The following DOCK1 variants were observed in gnomAD, a reference collection of about 807,000 sequenced individuals.
The protein encoded by DOCK1 is dedicator of cytokinesis 1, also known as dedicator of cytokinesis protein 1.
Under a neutral mutation model 262.7 loss-of-function variants are expected in DOCK1, and 138 were observed. That is an observed-to-expected ratio of 0.53 (90% CI 0.46 to 0.61). The LOEUF is 0.61. DOCK1 is among the 20% of genes least tolerant of loss of function. DOCK1 has a pLI of 0.00. For synonymous variants in DOCK1, 866 were observed against 867.4 expected (o/e 1.00, Z 0.03); for missense variants, 1,908 against 2,370.7 (o/e 0.80, Z 4.05).
intron 27 of DOCK1, among the ~76,000 whole-genome samples, chr10:127,144,112 A>G (rs1054755567): frequency 1.4e-4 from 22 of 152,098 alleles, no homozygotes; most frequent in African/African-American, 4.3e-4. Context: ...CCAGAACTCC[A>G]GCAGTTTCCT....
At chr10:127,418,034 G>A (rs181857809) in intron 44 of DOCK1, among the ~76,000 whole-genome samples, 1 of 152,168 alleles carries the variant, frequency 6.6e-6, no homozygotes, top group African/African-American at 2.4e-5. Context: ...CAGAGAACAA[G>A]AACAGGATTG....
At chr10:127,238,445 C>T (rs936395175) in intron 27 of DOCK1, among the ~76,000 whole-genome samples, 2 of 152,164 alleles carry the variant, frequency 1.3e-5, no homozygotes, top group Non-Finnish European at 2.9e-5. Flanking sequence ...TCTGGACCAA[C>T]CATTCCTTTA....
At chr10:127,336,601 G>A (rs537606698) in intron 29 of DOCK1, among the ~76,000 whole-genome samples, 13 of 150,450 alleles carry the variant, frequency 8.6e-5, no homozygotes, top group Admixed American at 2.0e-4. Context: ...GTGCAGTGGC[G>A]CAATCCTGGC....
chr10:127,269,359 C>A (rs1429695895), intron 29 of DOCK1, among the ~76,000 whole-genome samples: 2 of 152,042 alleles, frequency 1.3e-5, no homozygotes, highest in Non-Finnish European at 2.9e-5. Flanking sequence ...ATAGACATTG[C>A]CCTGGAGATT....
chr10:127,146,295 G>A (rs377703398), intron 27 of DOCK1, among the ~76,000 whole-genome samples: 2 of 152,156 alleles, frequency 1.3e-5, no homozygotes, highest in Non-Finnish European at 2.9e-5. Flanking sequence ...GTTGAGATGG[G>A]TAATCAGTTT....
At chr10:127,238,512 A>G (rs1486058705) in intron 27 of DOCK1, among the ~76,000 whole-genome samples, 3 of 152,158 alleles carry the variant, frequency 2.0e-5, no homozygotes, top group Non-Finnish European at 2.9e-5. Flanking sequence ...TTTTTGGCTC[A>G]TAGTCTTCCG....
chr10:127,153,994 C>G (rs1185563687), intron 27 of DOCK1: 1 of 1,060,490 alleles, frequency 9.4e-7, no homozygotes, highest in Non-Finnish European at 1.5e-6. Flanking sequence ...GCAGATGCCT[C>G]AAATCAAATG....
intron 21 of DOCK1, among the ~76,000 whole-genome samples, chr10:127,049,099 T>C (rs2044537093): frequency 6.6e-6 from 1 of 152,222 alleles, no homozygotes; most frequent in African/African-American, 2.4e-5. Context: ...GAATCTATTT[T>C]ATAATTTATT....
chr10:127,339,367 G>T (rs2063327019), intron 30 of DOCK1, among the ~76,000 whole-genome samples: 1 of 152,136 alleles, frequency 6.6e-6, no homozygotes, highest in African/African-American at 2.4e-5. Flanking sequence ...AGGCCACCAA[G>T]TCCCGGTGTG....
intron 43 of DOCK1, among the ~76,000 whole-genome samples, chr10:127,412,942 C>T: frequency 6.6e-6 from 1 of 152,224 alleles, no homozygotes; most frequent in East Asian, 1.9e-4. Flanking sequence ...CCTGGACCTC[C>T]TCCAGGACTG....
At chr10:127,279,326 G>A (rs2060858700) in intron 29 of DOCK1, among the ~76,000 whole-genome samples, 2 of 152,198 alleles carry the variant, frequency 1.3e-5, no homozygotes, top group Admixed American at 1.3e-4. Context: ...ATAGCCATAA[G>A]AGGGCAGGTC....
intron 35 of DOCK1, among the ~76,000 whole-genome samples, chr10:127,379,250 A>G (rs767163766): frequency 7.2e-5 from 11 of 152,262 alleles, no homozygotes; most frequent in Non-Finnish European, 1.0e-4. Context: ...TAATTTTGAT[A>G]GAAATGTTAT....
At chr10:127,397,186 G>T (rs1279962712) in intron 38 of DOCK1, among the ~76,000 whole-genome samples, 3 of 139,844 alleles carry the variant, frequency 2.1e-5, no homozygotes, top group Non-Finnish European at 4.6e-5. Flanking sequence ...TGAGTTACAC[G>T]GGCAGCGTCT....
Position 127,012,262 on chromosome 10 carries a change from G to A in DOCK1, c.1089G>A (p.Lys363=). The A allele has an allele frequency of 2.5e-6, 4 of 1,611,912 alleles. No homozygotes were observed. Among genetic ancestry groups the A allele is most frequent in the Non-Finnish European group, 2.5e-6 (3 of 1,178,000 alleles). The change falls in exon 12 of 52, where the codon AAG becomes AAA. Residue 363 remains lysine, a synonymous_variant. Transcript: ENST00000623213. This position sits in a 1 kb window ranked among gnomAD's most constrained non-coding sequence, Gnocchi z 4.0. ...CGTTGGACGACGCCATTCGACACAAGCCGCTGAACATGTCATCCCGTTTTT... is the reference window on the plus strand; with the variant it reads ...CGTTGGACGACGCCATTCGACACAAACCGCTGAACATGTCATCCCGTTTTT... The part of the protein sequence containing the change: ...PLALDDAIRH[K]PLNMSSRFSP...
At chr10:127,426,115 G>T (rs1166380366) in intron 47 of DOCK1, 104 bp downstream of exon 47, 1 of 1,548,206 alleles carries the variant, frequency 6.5e-7, no homozygotes, top group South Asian at 1.2e-5. Context: ...ATGTACACAT[G>T]GTGCCCGCTT....
intron 33 of DOCK1, among the ~76,000 whole-genome samples, chr10:127,368,442 C>T (rs184366113): frequency 2.8e-4 from 43 of 152,214 alleles, no homozygotes; most frequent in Admixed American, 2.0e-3. Flanking sequence ...TACAGCTGGC[C>T]AACTCCTCGA....
chr10:127,267,925 T>C (rs1282785416), intron 29 of DOCK1, among the ~76,000 whole-genome samples: 6 of 152,182 alleles, frequency 3.9e-5, no homozygotes, highest in African/African-American at 1.2e-4. Flanking sequence ...CCAAGTGAAC[T>C]GAGTCCTCGC....
rs568333428 is a variant in DOCK1 at position 127,436,607 on chromosome 10, T to C, written c.5061-2420T>C. Among the ~76,000 whole-genome samples, 28 of 143,996 alleles carry C rather than the reference T, an allele frequency of 1.9e-4. 1 individual carries two copies. The South Asian group carries it at 6.2e-3, about 32-fold the overall frequency. 94.5% of individuals were successfully genotyped at this position (143,996 alleles called of 152,430 possible). ...CCCCATCATGCAGTCTTGACAATTA[T>C]CAGCTTTTAACTAATCTTTTTTTTT... is the stretch of plus-strand genomic sequence containing the variant. On this transcript the variant is annotated intron_variant, in intron 48 of 51. Coordinates refer to ENST00000623213, the MANE Select transcript of DOCK1 (RefSeq NM_001290223.2).
intron 30 of DOCK1, among the ~76,000 whole-genome samples, chr10:127,341,692 G>A (rs72836473): frequency 0.029 from 4,349 of 152,238 alleles, 73 homozygotes; most frequent in South Asian, 0.039. Flanking sequence ...GTTCTCCCTG[G>A]CTTTCGTCCT....
Sources: allele counts gnomAD v4.1 joint callset (sites outside exome capture counted in the v4.1 genomes callset), GRCh38; gene constraint gnomAD v4.1.1; non-coding constraint Gnocchi (gnomAD v3.1); transcripts MANE v1.5; gene names NCBI Gene and HGNC (gene_info 2026-07-23, HGNC 2026-07-21).